RP1: variants seen among roughly 807,000 people sequenced by gnomAD.
RP1 encodes the protein oxygen-regulated protein 1.
In RP1, 16 loss-of-function variants were observed where a neutral mutation model predicts 14.8. The ratio of observed to expected loss-of-function variants is 1.08; its 90% CI spans 0.73 to 1.65. The LOEUF (loss-of-function observed/expected upper bound fraction) is 1.65. RP1 is among the 40% of genes most tolerant of loss of function. The probability of loss-of-function intolerance (pLI) is 0.00; values close to 1 mark genes in which losing one functional copy is unlikely to be tolerated. For synonymous variants in RP1, 876 were observed against 883.6 expected (o/e 0.99, Z 0.15); for missense variants, 2,631 against 2,535.0 (o/e 1.04, Z -0.81).
chr8:54,722,012 A>G (rs532878705), intron 16 of RP1, among the ~76,000 whole-genome samples: 4 of 151,980 alleles, frequency 2.6e-5, no homozygotes, highest in African/African-American at 9.6e-5. Context: ...GGAGGCCAAG[A>G]TGGGTGGATC....
At chr8:54,810,601 C>T (rs535797713) in intron 24 of RP1, among the ~76,000 whole-genome samples, 7 of 152,312 alleles carry the variant, frequency 4.6e-5, no homozygotes, top group African/African-American at 1.7e-4. Context: ...AAGCAAGTTC[C>T]ACCAAGGTCC....
intron 3 of RP1, among the ~76,000 whole-genome samples, chr8:54,638,093 T>C (rs1806385123): frequency 6.6e-6 from 1 of 152,190 alleles, no homozygotes; most frequent in African/African-American, 2.4e-5. Context: ...ATGTCTTGTT[T>C]ATTGAAATCT....
intron 6 of RP1, chr8:54,663,696 C>T (rs1052732398): frequency 6.6e-7 from 1 of 1,509,878 alleles, no homozygotes; most frequent in Non-Finnish European, 8.8e-7. Flanking sequence ...CTTATGTTGT[C>T]AGTGACAATA....
At chr8:54,576,746 G>T (rs1219855898) in intron 1 of RP1, among the ~76,000 whole-genome samples, 1 of 152,220 alleles carries the variant, frequency 6.6e-6, no homozygotes, top group Non-Finnish European at 1.5e-5. Context: ...CAGGGCAAGA[G>T]TTAATCTCTT....
At chr8:54,592,781 C>A (rs1442265656) in intron 1 of RP1, among the ~76,000 whole-genome samples, 1 of 152,106 alleles carries the variant, frequency 6.6e-6, no homozygotes, top group Non-Finnish European at 1.5e-5. Flanking sequence ...TTGTAATTTT[C>A]ATGCTTGTTG....
At chr8:54,648,919 C>T in intron 3 of RP1, 3 of 1,194,438 alleles carry the variant, frequency 2.5e-6, no homozygotes, top group Non-Finnish European at 1.1e-6. Context: ...TTATGATGAC[C>T]TGCTGTTCTG....
At chr8:54,869,160 A>G (rs1254757431) in intron 28 of RP1, among the ~76,000 whole-genome samples, 2 of 152,154 alleles carry the variant, frequency 1.3e-5, no homozygotes, top group African/African-American at 4.8e-5. Context: ...TTTTGCCTGA[A>G]TATATTAATA....
chr8:54,759,789 A>T (rs542585382), intron 22 of RP1, among the ~76,000 whole-genome samples: 1 of 152,202 alleles, frequency 6.6e-6, no homozygotes, highest in African/African-American at 2.4e-5. Flanking sequence ...TTGGTCTCTC[A>T]GTCACAGGGA....
At chr8:54,742,596 T>C (rs1413187661) in intron 19 of RP1, among the ~76,000 whole-genome samples, 2 of 152,210 alleles carry the variant, frequency 1.3e-5, no homozygotes, top group Non-Finnish European at 2.9e-5. Flanking sequence ...AGGAAACCAT[T>C]TGGTGACTTT....
intron 1 of RP1, among the ~76,000 whole-genome samples, chr8:54,604,265 C>T (rs564102322): frequency 6.6e-6 from 1 of 152,242 alleles, no homozygotes; most frequent in African/African-American, 2.4e-5. Flanking sequence ...TGAATTTTGT[C>T]AAAGGCCTTT....
chr8:54,625,681 A>C lies in RP1; in HGVS notation c.1799A>C (p.Asn600Thr), dbSNP rs1292567464. 1 of 1,614,158 alleles carries C rather than the reference A, an allele frequency of 6.2e-7. No homozygotes were observed. Among genetic ancestry groups the C allele is most frequent in the Non-Finnish European group, 8.5e-7 (1 of 1,180,004 alleles). ...ATCAAGAACTTCAAAACTTATGGTA[A>C]CACCAATGATAGGTTCAGTCCTATT... ...TGIKNFKTYG[N>T]TNDRFSPISA... Residue 600 changes from asparagine to threonine, a missense_variant, in exon 4 of 4, where the codon AAC becomes ACC. Physicochemically the swap from Asn to Thr is moderately conservative, Grantham distance 65 (BLOSUM62 0). Transcript: ENST00000220676.
chr8:54,748,124 T>A (rs1050646995), intron 19 of RP1, among the ~76,000 whole-genome samples: 1 of 152,244 alleles, frequency 6.6e-6, no homozygotes, highest in Non-Finnish European at 1.5e-5. Context: ...CTACTTGATA[T>A]GAGCCCCAGG....
At chr8:54,583,979 G>A (rs545091175) in intron 1 of RP1, among the ~76,000 whole-genome samples, 4 of 152,074 alleles carry the variant, frequency 2.6e-5, no homozygotes, top group Non-Finnish European at 2.9e-5. Context: ...TTTTTGAAGG[G>A]TTTTTTGTGT....
At chr8:54,778,477 A>G (rs1279541324) in intron 23 of RP1, among the ~76,000 whole-genome samples, 1 of 151,876 alleles carries the variant, frequency 6.6e-6, no homozygotes, top group African/African-American at 2.4e-5. Context: ...GGCATGCACC[A>G]CCATGCCCGG....
intron 1 of RP1, among the ~76,000 whole-genome samples, chr8:54,569,621 G>A (rs570405886): frequency 6.6e-6 from 1 of 152,222 alleles, no homozygotes; most frequent in South Asian, 2.1e-4. Flanking sequence ...ATCTTCTTTT[G>A]GAACTTTTTC....
Position 54,723,278 on chromosome 8 carries a change from G to A in RP1, c.2389+2972G>A, listed in dbSNP as rs146441932. 2.7e-3 allele frequency among the ~76,000 whole-genome samples: 409 copies of A among 152,294 alleles called. 2 individuals are homozygous for A. The highest frequency in any genetic ancestry group is 9.4e-3 in the African/African-American group (390 of 41,568). ...CTGTTATGATTATTAAAAAGAGGAA[G>A]AGCACTTCATGGCATTTTTTTTATC... On this transcript the variant is annotated intron_variant, in intron 16 of 22. Coordinates refer to the RP1 transcript ENST00000636932.
chr8:54,588,668 G>A (rs910655823), intron 1 of RP1, among the ~76,000 whole-genome samples: 4 of 152,136 alleles, frequency 2.6e-5, no homozygotes, highest in Admixed American at 2.6e-4. Context: ...AGAATATTGG[G>A]GAGGAATATC....
chr8:54,732,619 A>C (rs2129355233), intron 17 of RP1, among the ~76,000 whole-genome samples: 1 of 152,298 alleles, frequency 6.6e-6, no homozygotes, highest in African/African-American at 2.4e-5. Flanking sequence ...TCAGCCATTG[A>C]CCTAGGATCA....
At chr8:54,769,402 C>T (rs1467881250) in intron 22 of RP1, among the ~76,000 whole-genome samples, 1 of 152,078 alleles carries the variant, frequency 6.6e-6, no homozygotes, top group African/African-American at 2.4e-5. Context: ...CCCTTTTATC[C>T]AGCTTGGTAC....
Sources: allele counts gnomAD v4.1 joint callset (sites outside exome capture counted in the v4.1 genomes callset), GRCh38; gene constraint gnomAD v4.1.1; transcripts MANE v1.5; gene names NCBI Gene and HGNC (gene_info 2026-07-23, HGNC 2026-07-21).